The following TRIM39 variants were observed in gnomAD, a reference collection of about 807,000 sequenced individuals.
TRIM39 encodes the protein E3 ubiquitin-protein ligase TRIM39.
Under a neutral mutation model 53.6 loss-of-function variants are expected in TRIM39, and 5 were observed. That is an observed-to-expected ratio of 0.09 (90% CI 0.05 to 0.20). The LOEUF (loss-of-function observed/expected upper bound fraction) is 0.20, where lower values mean the gene tolerates loss of function less well. Among genes scored for constraint, TRIM39 ranks in the 10% least tolerant of loss-of-function variants. The pLI is 1.00. For synonymous variants in TRIM39, 196 were observed against 237.6 expected, an observed-to-expected ratio of 0.82 and a Z score of 1.61; for missense variants, 310 against 621.0, an observed-to-expected ratio of 0.50 and a Z score of 5.32.
Position 30,329,049 on chromosome 6 carries a change from A to G in TRIM39, c.-8+8A>G. ...TAACAAGAGAAAGCAGAGGTAAGAG[A>G]CAAGATAGATCAATTGGGGGTTGTG... On this transcript the variant is annotated splice_region_variant and intron_variant, in intron 2 of 7. Coordinates refer to ENST00000396551, the Ensembl canonical transcript of TRIM39. 2.1e-6 allele frequency: 1 copy of G among 485,690 alleles called. No individual in the cohort carries two copies. The highest frequency in any genetic ancestry group is 3.6e-6 in the Non-Finnish European group (1 of 276,066). The allele number at this position is 485,690 out of a possible 1,614,324, so 30.1% of individuals were successfully genotyped here.
intron 4 of TRIM39, among the ~76,000 whole-genome samples, chr6:30,332,928 A>G (rs929735221): frequency 2.6e-5 from 4 of 152,338 alleles, no homozygotes; most frequent in South Asian, 4.1e-4. Context: ...TACAGGTAAT[A>G]TAACCTATGT....
At chr6:30,337,017 A>G (rs1020406238) in intron 5 of TRIM39, among the ~76,000 whole-genome samples, 144 of 152,326 alleles carry the variant, frequency 9.5e-4, no homozygotes, top group African/African-American at 3.3e-3. Context: ...TTACATCTCT[A>G]TCAGAACTTT....
At chr6:30,330,140 C>T (rs908232259) in intron 3 of TRIM39, among the ~76,000 whole-genome samples, 1 of 152,206 alleles carries the variant, frequency 6.6e-6, no homozygotes, top group Non-Finnish European at 1.5e-5. Flanking sequence ...TGTTTTCACA[C>T]TGGTTATTGG....
chr6:30,335,961 T>C lies in TRIM39; in HGVS notation c.766T>C (p.Phe256Leu). 1 of 1,612,874 alleles carries C rather than the reference T, an allele frequency of 6.2e-7. No homozygotes were observed. Among genetic ancestry groups the C allele is most frequent in the Non-Finnish European group, 8.5e-7 (1 of 1,180,014 alleles). ...GGAGGGCAAGTGCTTACAGTCAGGCTTCGAGATGCTTAAGGTTCGACCTTT... is the reference window on the plus strand; with the variant it reads ...GGAGGGCAAGTGCTTACAGTCAGGCCTCGAGATGCTTAAGGTTCGACCTTT... Residue 256 changes from phenylalanine (F) to leucine (L), a missense_variant, in exon 5 of 8, where the codon TTC (phenylalanine) becomes CTC (leucine). This residue lies in a region of TRIM39 where 161 missense variants were observed against 210.0 expected (regional missense o/e 0.77). Transcript: ENST00000396551. The surrounding 1 kb of genome is among the most constrained non-coding windows in gnomAD (Gnocchi z 4.7).
intron 6 of TRIM39, 97 bp downstream of exon 6, chr6:30,340,027 C>G: frequency 6.3e-7 from 1 of 1,576,994 alleles, no homozygotes. Context: ...TTGGGAAAGT[C>G]ATGTAGTGTG....
rs776595380 is a variant in TRIM39, at chr6:30,338,651, GAC to G, written c.781-1253_781-1252del. ...AATATTGTGAGAATTACCAAAATGT[GAC>G]ACAGAGACATGAAGTGAACACATGC... On this transcript the variant is annotated intron_variant, in intron 5 of 7. Coordinates refer to ENST00000396551, the Ensembl canonical transcript of TRIM39. The surrounding 1 kb of genome is among the most constrained non-coding windows in gnomAD (Gnocchi z 4.0). Among the ~76,000 whole-genome samples, 23 of 150,886 alleles carry G rather than the reference GAC, an allele frequency of 1.5e-4. No homozygotes were observed. Among genetic ancestry groups the G allele is most frequent in the Non-Finnish European group, 2.7e-4 (18 of 67,822 alleles).
At position 30,340,000 on chromosome 6, in the gene TRIM39, T is replaced by C; in HGVS notation, c.803+70T>C. The C allele has an allele frequency of 1.2e-6, 2 of 1,611,842 alleles. No homozygotes were observed. Among genetic ancestry groups the C allele is most frequent in the Non-Finnish European group, 1.7e-6 (2 of 1,178,606 alleles). On this transcript the variant is annotated intron_variant, in intron 6 of 7. Transcript: ENST00000396551. The surrounding 1 kb of genome is among the most constrained non-coding windows in gnomAD (Gnocchi z 4.2). Reference sequence around the variant, plus strand: ...AGAGAGGAGGGGTACAGTCAGGAGTTTGGGTTGGGGGTGAGGTTGGGAAAG... The same window carrying C: ...AGAGAGGAGGGGTACAGTCAGGAGTCTGGGTTGGGGGTGAGGTTGGGAAAG...
At chr6:30,329,537 C>T in exon 3 of TRIM39, 2 of 1,613,114 alleles carry the variant, frequency 1.2e-6, no homozygotes, top group Non-Finnish European at 1.7e-6. Context: ...AAAGACATCC[C>T]GCTACCGCAG....
chr6:30,329,837 C>T, intron 3 of TRIM39, 67 bp downstream of exon 3: 1 of 1,545,540 alleles, frequency 6.5e-7, no homozygotes, highest in Non-Finnish European at 8.7e-7. Flanking sequence ...TGAGATACTC[C>T]CTAGGTAGAG....
At chr6:30,333,063 G>A (rs141868366) in intron 4 of TRIM39, among the ~76,000 whole-genome samples, 2,682 of 152,208 alleles carry the variant, frequency 0.018, 28 homozygotes, top group Middle Eastern at 0.037. Flanking sequence ...AGTGTAGCTG[G>A]TTATATGCTT....
intron 7 of TRIM39, chr6:30,341,500 T>G: frequency 1.3e-6 from 1 of 789,872 alleles, no homozygotes; most frequent in Non-Finnish European, 2.2e-6. Flanking sequence ...CAAGAGATTA[T>G]TATCTGTTTA....
chr6:30,327,546 A>C (rs1269982639), intron 1 of TRIM39: 1 of 152,462 alleles, frequency 6.6e-6, no homozygotes, highest in Non-Finnish European at 1.5e-5. Flanking sequence ...AAGAGGAAGG[A>C]CTAACGCAGA....
At chr6:30,328,258 A>G (rs1405607026) in intron 1 of TRIM39, among the ~76,000 whole-genome samples, 1 of 152,250 alleles carries the variant, frequency 6.6e-6, no homozygotes, top group Admixed American at 6.5e-5. Flanking sequence ...GATTCCAGTC[A>G]CTACAAATAG....
chr6:30,330,359 A>G (rs1217853274), intron 3 of TRIM39, among the ~76,000 whole-genome samples: 1 of 152,236 alleles, frequency 6.6e-6, no homozygotes, highest in African/African-American at 2.4e-5. Context: ...TGAAAACAAG[A>G]TTTCAGGTAA....
At chr6:30,336,697 T>G (rs1243349800) in intron 5 of TRIM39, among the ~76,000 whole-genome samples, 1 of 152,266 alleles carries the variant, frequency 6.6e-6, no homozygotes, top group Non-Finnish European at 1.5e-5. Flanking sequence ...TGCAGTTACT[T>G]ACAACATGGG....
intron 1 of TRIM39, among the ~76,000 whole-genome samples, chr6:30,327,895 A>G (rs537135556): frequency 6.6e-6 from 1 of 152,376 alleles, no homozygotes; most frequent in Admixed American, 6.5e-5. Flanking sequence ...TACAGGAACA[A>G]TTGTTGTTAA....
At chr6:30,334,963 A>G (rs1786672495) in intron 4 of TRIM39, among the ~76,000 whole-genome samples, 1 of 152,026 alleles carries the variant, frequency 6.6e-6, no homozygotes, top group African/African-American at 2.4e-5. Flanking sequence ...GCCTCAAGTG[A>G]TCCTCTCACC....
Position 30,339,644 on chromosome 6 carries a change from T to G in TRIM39, c.781-264T>G, listed in dbSNP as rs1257978309. 6.6e-6 allele frequency among the ~76,000 whole-genome samples: 1 copy of G among 152,176 alleles called. No homozygotes were observed. The highest frequency in any genetic ancestry group is 1.5e-5 in the Non-Finnish European group (1 of 68,030). The stretch of plus-strand genomic sequence containing the variant: ...CCCTTATAGGGAGCTCCCAGCATCC[T>G]TGAGGAGCAAAGACAAGCATAAAAG... On this transcript the variant is annotated intron_variant, in intron 5 of 7. Coordinates refer to ENST00000396551, the Ensembl canonical transcript of TRIM39. This position sits in a 1 kb window ranked among gnomAD's most constrained non-coding sequence, Gnocchi z 4.2.
chr6:30,342,157 T>G lies in TRIM39; in HGVS notation c.1365T>G (p.Asp455Glu). Residue 455 changes from aspartate to glutamate, a missense_variant, in exon 8 of 8, where the codon GAT (aspartate) becomes GAG (glutamate). Coordinates refer to ENST00000396551, the Ensembl canonical transcript of TRIM39. This position sits in a 1 kb window ranked among gnomAD's most constrained non-coding sequence, Gnocchi z 4.7. Reference sequence around the variant, plus strand: ...GCTCTCATATCTACACCTTCACTGATACTTTTACTGAGAAACTTTGGCCCC... The same window carrying G: ...GCTCTCATATCTACACCTTCACTGAGACTTTTACTGAGAAACTTTGGCCCC... 2 of 1,613,060 alleles carry G rather than the reference T, an allele frequency of 1.2e-6. No individual in the cohort carries two copies. Among genetic ancestry groups the G allele is most frequent in the Non-Finnish European group, 8.5e-7 (1 of 1,180,030 alleles).
Sources: gnomAD v4.1 joint callset for allele counts (sites outside exome capture counted in the v4.1 genomes callset) on GRCh38, gnomAD v4.1.1 for gene constraint, gnomAD v4.1.1 regional missense constraint, Gnocchi (gnomAD v3.1) non-coding constraint, MANE v1.5 for transcripts, NCBI Gene and HGNC (gene_info 2026-07-23, HGNC 2026-07-21) for gene names.